The following SUGCT variants were observed in gnomAD, a reference collection of about 807,000 sequenced individuals.
SUGCT encodes the protein succinyl-CoA:glutarate CoA-transferase.
Under a neutral mutation model 55.0 loss-of-function variants are expected in SUGCT, and 41 were observed. That is an observed-to-expected ratio of 0.74 (90% CI 0.58 to 0.97). SUGCT has a LOEUF of 0.97. Ranked by LOEUF, SUGCT falls within the 50% of genes least tolerant of loss-of-function variation. SUGCT has a pLI of 0.00. For missense variants in SUGCT, 568 were observed against 547.8 expected, an observed-to-expected ratio of 1.04 and a Z score of -0.37; for synonymous variants, 187 against 200.4, an observed-to-expected ratio of 0.93 and a Z score of 0.56.
At chr7:40,989,164 G>A in the SUGCT span, among the ~76,000 whole-genome samples, 1 of 152,042 alleles carries the variant, frequency 6.6e-6, no homozygotes, top group Non-Finnish European at 1.5e-5. Context: ...CTGTTTGCAG[G>A]ATCTAAATAT....
intron 9 of SUGCT, among the ~76,000 whole-genome samples, chr7:40,448,440 T>C (rs941203039): frequency 8.5e-5 from 13 of 152,148 alleles, no homozygotes; most frequent in African/African-American, 2.4e-4. Context: ...TACATTATAA[T>C]GGATTTCCTT....
intron 12 of SUGCT, among the ~76,000 whole-genome samples, chr7:40,620,172 C>A (rs1042556441): frequency 6.6e-6 from 1 of 152,156 alleles, no homozygotes; most frequent in Non-Finnish European, 1.5e-5. Flanking sequence ...CAATTGTGAT[C>A]CCCTTGTTGG....
chr7:40,776,794 C>A (rs1921742), intron 13 of SUGCT, among the ~76,000 whole-genome samples: 1 of 152,152 alleles, frequency 6.6e-6, no homozygotes, highest in African/African-American at 2.4e-5. Flanking sequence ...AGACATTGCT[C>A]ATCAATCCCA....
the SUGCT span, among the ~76,000 whole-genome samples, chr7:40,902,541 C>G: frequency 7.1e-6 from 1 of 140,658 alleles, no homozygotes; most frequent in Non-Finnish European, 1.5e-5. Context: ...GATCCCGCCA[C>G]TGCACTCCAG....
intron 12 of SUGCT, among the ~76,000 whole-genome samples, chr7:40,706,446 C>T (rs1275765471): frequency 6.6e-6 from 1 of 152,160 alleles, no homozygotes; most frequent in African/African-American, 2.4e-5. Context: ...GCAGAGGTTG[C>T]AGTGAGCCAA....
At chr7:40,470,913 G>T (rs914489554) in intron 11 of SUGCT, among the ~76,000 whole-genome samples, 20 of 151,184 alleles carry the variant, frequency 1.3e-4, no homozygotes. Flanking sequence ...TTTCTCATTT[G>T]CTAACTTTGG....
chr7:40,548,186 C>CTTTTTTTTTTTTTTTTTT (rs1186226631), intron 12 of SUGCT, among the ~76,000 whole-genome samples: 21 of 105,006 alleles, frequency 2.0e-4, no homozygotes, highest in African/African-American at 2.7e-4. Flanking sequence ...TTCTTTCTTT[C>CTTTTTTTTTTTTTTTTTT]TTTTTTTTTT....
chr7:40,634,720 A>G (rs1799946086), intron 12 of SUGCT, among the ~76,000 whole-genome samples: 1 of 152,228 alleles, frequency 6.6e-6, no homozygotes, highest in Admixed American at 6.5e-5. Flanking sequence ...ATTAACACCT[A>G]AGGAAATAGA....
intron 12 of SUGCT, among the ~76,000 whole-genome samples, chr7:40,743,811 C>CTA (rs1787589189): frequency 6.6e-6 from 1 of 152,152 alleles, no homozygotes; most frequent in Non-Finnish European, 1.5e-5. Context: ...GCACCAGGGC[C>CTA]TATGCTCAGG....
intron 12 of SUGCT, among the ~76,000 whole-genome samples, chr7:40,513,880 C>T (rs1485296492): frequency 2.1e-5 from 3 of 146,314 alleles, no homozygotes; most frequent in Non-Finnish European, 4.5e-5. Flanking sequence ...AACTCTGTCT[C>T]CTGGGTTTAG....
chr7:40,517,747 AAT>A (rs1308647950), intron 12 of SUGCT, among the ~76,000 whole-genome samples: 1 of 152,000 alleles, frequency 6.6e-6, no homozygotes, highest in African/African-American at 2.4e-5. Flanking sequence ...TGTTGTTTTT[AAT>A]AATGATTTTC....
chr7:40,264,544 C>T lies in SUGCT; in HGVS notation c.577-9969C>T, dbSNP rs1049081883. 2.0e-5 allele frequency among the ~76,000 whole-genome samples: 3 copies of T among 152,290 alleles called. No homozygotes were observed. In the East Asian group the frequency reaches 5.8e-4, roughly 29 times the overall value. On this transcript the variant is annotated intron_variant, in intron 7 of 13. Coordinates refer to ENST00000335693, the MANE Select transcript of SUGCT (RefSeq NM_001193313.2). ...ACTGTGAGGACTCATGTTCTGTGTG[C>T]ACGGAAACCCTCATTTGATCTGAAT...
rs1310900206 is a variant in SUGCT at position 40,496,315 on chromosome 7, T to C, written c.1018T>C (p.Tyr340His). The change falls in exon 12 of 14, where the codon TAT becomes CAT. Residue 340 changes from tyrosine (Y) to histidine (H), a missense_variant. Coordinates refer to ENST00000335693, the MANE Select transcript of SUGCT (RefSeq NM_001193313.2). The part of the protein sequence containing the change: ...FEEELTSKWL[Y>H]LFEGSGVPYG... ...AGAAGAACTGACCAGCAAGTGGTTA[T>C]ATCTTTTTGAAGGCAGTGGAGTCCC... The C allele has an allele frequency of 6.2e-7, 1 of 1,613,102 alleles. No individual in the cohort carries two copies.
intron 12 of SUGCT, among the ~76,000 whole-genome samples, chr7:40,671,577 T>A (rs1000012756): frequency 6.6e-6 from 1 of 152,186 alleles, no homozygotes; most frequent in Admixed American, 6.5e-5. Flanking sequence ...GCAGTGTACA[T>A]GTGGACACCA....
intron 13 of SUGCT, among the ~76,000 whole-genome samples, chr7:40,821,580 AAT>A (rs1162184295): frequency 6.6e-6 from 1 of 152,082 alleles, no homozygotes; most frequent in Non-Finnish European, 1.5e-5. Context: ...CTTTGATGGT[AAT>A]TTGTATTTCT....
At chr7:40,719,517 G>A (rs1786204725) in intron 12 of SUGCT, among the ~76,000 whole-genome samples, 1 of 152,024 alleles carries the variant, frequency 6.6e-6, no homozygotes, top group African/African-American at 2.4e-5. Context: ...AAAACCTGTG[G>A]GACTTCTGCA....
chr7:40,935,948 A>T, the SUGCT span, among the ~76,000 whole-genome samples: 4 of 152,140 alleles, frequency 2.6e-5, no homozygotes, highest in Non-Finnish European at 5.9e-5. Flanking sequence ...TAGACTAGTC[A>T]AGTAATATTT....
chr7:40,248,928 C>CACACACA (rs1562611530), intron 7 of SUGCT, among the ~76,000 whole-genome samples: 18 of 142,502 alleles, frequency 1.3e-4, no homozygotes, highest in Non-Finnish European at 6.2e-5. Context: ...ACACACACTC[C>CACACACA]CTCTCTCTCT....
chr7:40,363,474 A>T (rs917823117), intron 9 of SUGCT, among the ~76,000 whole-genome samples: 1 of 151,328 alleles, frequency 6.6e-6, no homozygotes, highest in East Asian at 1.9e-4. Flanking sequence ...CCCTCTACAC[A>T]CTGCTTTGAA....
Sources: gnomAD v4.1 joint callset for allele counts (sites outside exome capture counted in the v4.1 genomes callset) on GRCh38, gnomAD v4.1.1 for gene constraint, MANE v1.5 for transcripts, NCBI Gene and HGNC (gene_info 2026-07-23, HGNC 2026-07-21) for gene names.